The following RAP1GDS1 variants were observed in gnomAD, a reference collection of about 807,000 sequenced individuals.
RAP1GDS1 encodes Rap1 GTPase-GDP dissociation stimulator 1.
Under a neutral mutation model 71.1 loss-of-function variants are expected in RAP1GDS1, and 35 were observed. The ratio of observed to expected loss-of-function variants is 0.49; its 90% CI spans 0.38 to 0.65. The LOEUF (loss-of-function observed/expected upper bound fraction) is 0.65. Ranked by LOEUF, RAP1GDS1 falls within the 30% of genes least tolerant of loss-of-function variation. The probability of loss-of-function intolerance (pLI) is 0.00; values close to 1 mark genes in which losing one functional copy is unlikely to be tolerated. For synonymous variants in RAP1GDS1, 229 were observed against 243.1 expected (o/e 0.94, Z 0.54); for missense variants, 663 against 706.1 (o/e 0.94, Z 0.69).
At chr4:98,326,305 T>C (rs1354968780) in intron 2 of RAP1GDS1, among the ~76,000 whole-genome samples, 1 of 152,164 alleles carries the variant, frequency 6.6e-6, no homozygotes, top group East Asian at 1.9e-4. Context: ...AATTATTCAT[T>C]GTCATTTCAG....
At chr4:98,423,547 T>C (rs529696568) in intron 12 of RAP1GDS1, among the ~76,000 whole-genome samples, 3 of 152,276 alleles carry the variant, frequency 2.0e-5, no homozygotes, top group Admixed American at 6.5e-5. Flanking sequence ...TTTTTTGTTT[T>C]TTCGGGGTTT....
At chr4:98,330,797 G>A (rs113680722) in intron 2 of RAP1GDS1, among the ~76,000 whole-genome samples, 4,934 of 148,956 alleles carry the variant, frequency 0.033, 230 homozygotes, top group African/African-American at 0.12. Flanking sequence ...GGGAAGAAGC[G>A]CTCCTCACTT....
At chr4:98,407,444 T>C (rs1470528143) in intron 7 of RAP1GDS1, among the ~76,000 whole-genome samples, 1 of 150,592 alleles carries the variant, frequency 6.6e-6, no homozygotes, top group Non-Finnish European at 1.5e-5. Flanking sequence ...AGTGGATGAG[T>C]GGATAAAGAA....
In RAP1GDS1 at chr4:98,416,775, G is replaced by T; in HGVS notation, c.794G>T (p.Gly265Val). ...DAIKLQLVEA[G>V]LVECLLEIVQ... Reference sequence around the variant, plus strand: ...ATTAAACTACAGCTGGTTGAAGCAGGCCTAGTAGAGTGTCTACTAGAGATT... The same window carrying T: ...ATTAAACTACAGCTGGTTGAAGCAGTCCTAGTAGAGTGTCTACTAGAGATT... Residue 265 changes from glycine (G) to valine (V), a missense_variant, in exon 8 of 15, where the codon GGC (glycine) becomes GTC (valine). Physicochemically the swap from Gly to Val is moderately radical, Grantham distance 109. Transcript: ENST00000408927. 2 of 1,607,568 alleles carry T rather than the reference G, an allele frequency of 1.2e-6. No individual in the cohort carries two copies. The highest frequency in any genetic ancestry group is 1.7e-6 in the Non-Finnish European group (2 of 1,174,196).
intron 4 of RAP1GDS1, among the ~76,000 whole-genome samples, chr4:98,362,624 G>T (rs536308022): frequency 6.6e-6 from 1 of 152,298 alleles, no homozygotes; most frequent in African/African-American, 2.4e-5. Flanking sequence ...AGAATGGCCA[G>T]TATTTCAGAC....
chr4:98,422,703 C>G (rs1749060835), intron 12 of RAP1GDS1, among the ~76,000 whole-genome samples: 2 of 152,214 alleles, frequency 1.3e-5, no homozygotes, highest in South Asian at 4.1e-4. Context: ...AAATCTCTTT[C>G]ATATAAATAA....
At chr4:98,344,937 A>G (rs1025906378) in intron 3 of RAP1GDS1, among the ~76,000 whole-genome samples, 6 of 152,040 alleles carry the variant, frequency 3.9e-5, no homozygotes, top group African/African-American at 7.2e-5. Context: ...CAATCCTCCT[A>G]TCTCAGCCTC....
intron 1 of RAP1GDS1, among the ~76,000 whole-genome samples, chr4:98,289,292 C>G (rs1044521088): frequency 3.3e-5 from 5 of 151,950 alleles, no homozygotes. Context: ...CCTCTGACTG[C>G]AGGAATACAG....
chr4:98,407,049 G>A (rs1329378707), intron 7 of RAP1GDS1, among the ~76,000 whole-genome samples: 1 of 151,970 alleles, frequency 6.6e-6, no homozygotes, highest in Non-Finnish European at 1.5e-5. Flanking sequence ...AAATCAATGA[G>A]CCCAGTATTC....
intron 6 of RAP1GDS1, among the ~76,000 whole-genome samples, chr4:98,392,878 C>T (rs1305953045): frequency 2.0e-5 from 3 of 151,964 alleles, no homozygotes; most frequent in Non-Finnish European, 4.4e-5. Flanking sequence ...CTGTGGAATC[C>T]TTGAAATTCA....
At chr4:98,296,979 C>G in intron 2 of RAP1GDS1, 1 of 267,862 alleles carries the variant, frequency 3.7e-6, no homozygotes, top group Non-Finnish European at 7.3e-6. Context: ...TTTAAACTCT[C>G]TCCCTGAAGA....
chr4:98,320,360 A>T (rs1731632890), intron 2 of RAP1GDS1, among the ~76,000 whole-genome samples: 1 of 152,194 alleles, frequency 6.6e-6, no homozygotes, highest in South Asian at 2.1e-4. Context: ...TTTTGTAGCC[A>T]GAGTATCTGG....
chr4:98,367,747 C>T (rs979143715), intron 4 of RAP1GDS1, among the ~76,000 whole-genome samples: 1 of 152,148 alleles, frequency 6.6e-6, no homozygotes, highest in African/African-American at 2.4e-5. Context: ...TTGCATGCAG[C>T]CTGTAGCTCC....
intron 4 of RAP1GDS1, among the ~76,000 whole-genome samples, chr4:98,369,758 G>A (rs1368753686): frequency 6.6e-6 from 1 of 152,172 alleles, no homozygotes; most frequent in Non-Finnish European, 1.5e-5. Context: ...TCAGTATGTT[G>A]ATTGTGGTGA....
intron 2 of RAP1GDS1, among the ~76,000 whole-genome samples, chr4:98,300,639 G>A (rs926998942): frequency 1.7e-4 from 26 of 152,088 alleles, no homozygotes; most frequent in African/African-American, 5.6e-4. Flanking sequence ...GACCTCAGGT[G>A]ATCCACCTTC....
At position 98,391,969 on chromosome 4, in the gene RAP1GDS1, C is replaced by T. The variant is rs1430007309; in HGVS notation, c.526C>T (p.Leu176Phe). The T allele has an allele frequency of 6.2e-7, 1 of 1,602,556 alleles. No homozygotes were observed. The highest frequency in any genetic ancestry group is 8.5e-7 in the Non-Finnish European group (1 of 1,175,398). ...TTTTACAGATTCGCTTCAAGCTCAG[C>T]TTATCAATATGGGTGTTATTCCTAC... ...SNENDSLQAQ[L>F]INMGVIPTLV... The change falls in exon 6 of 15, where the codon CTT becomes TTT. Residue 176 changes from leucine (L) to phenylalanine (F), a missense_variant. Leu to Phe is a conservative substitution (Grantham distance 22). Transcript: ENST00000408927.
At chr4:98,262,467 A>G (rs768396452) in intron 1 of RAP1GDS1, among the ~76,000 whole-genome samples, 2 of 152,202 alleles carry the variant, frequency 1.3e-5, no homozygotes, top group African/African-American at 4.8e-5. Flanking sequence ...ATTTGACCTA[A>G]TTTTTTTACA....
chr4:98,300,711 A>G (rs1728454521), intron 2 of RAP1GDS1, among the ~76,000 whole-genome samples: 1 of 152,108 alleles, frequency 6.6e-6, no homozygotes. Flanking sequence ...TGTAGACATA[A>G]CATTTATATC....
At chr4:98,427,351 G>A (rs968287222) in intron 12 of RAP1GDS1, among the ~76,000 whole-genome samples, 5 of 152,092 alleles carry the variant, frequency 3.3e-5, no homozygotes, top group African/African-American at 1.2e-4. Flanking sequence ...AACAGGACTG[G>A]AAGTCCTAGC....
Sources: allele counts gnomAD v4.1 joint callset (sites outside exome capture counted in the v4.1 genomes callset), GRCh38; gene constraint gnomAD v4.1.1; transcripts MANE v1.5; gene names NCBI Gene and HGNC (gene_info 2026-07-23, HGNC 2026-07-21).